The following TCF12 variants were observed in gnomAD, a reference collection of about 807,000 sequenced individuals.
The protein encoded by TCF12 is DNA-binding protein HTF4.
A neutral mutation model predicts 86.0 loss-of-function variants in TCF12; 45 were observed. The ratio of observed to expected loss-of-function variants is 0.52; its 90% CI spans 0.41 to 0.67. The LOEUF (loss-of-function observed/expected upper bound fraction) is 0.67, where lower values mean the gene tolerates loss of function less well. Ranked by LOEUF, TCF12 falls within the 30% of genes least tolerant of loss-of-function variation. The pLI is 0.00. For synonymous variants in TCF12, 330 were observed against 299.6 expected (o/e 1.10, Z -1.05); for missense variants, 881 against 859.9 (o/e 1.02, Z -0.31).
rs186962893 is a variant in TCF12 at position 57,133,431 on chromosome 15, C to A, written c.326-32971C>A. Among the ~76,000 whole-genome samples the A allele has an allele frequency of 1.0e-3, 153 of 152,286 alleles. 1 individual carries two copies. The highest frequency in any genetic ancestry group is 2.2e-3 in the Admixed American group (33 of 15,290). On this transcript the variant is annotated intron_variant, in intron 5 of 20. Transcript: ENST00000333725. Reference sequence around the variant, plus strand: ...GATGTGTGATTATGAAGTCATCAGGCATGGACCAGTAAGACTCCAGAGAGC... The same window carrying A: ...GATGTGTGATTATGAAGTCATCAGGAATGGACCAGTAAGACTCCAGAGAGC...
chr15:57,138,208 G>A (rs1290456746), intron 5 of TCF12, among the ~76,000 whole-genome samples: 2 of 152,114 alleles, frequency 1.3e-5, no homozygotes, highest in Admixed American at 1.3e-4. Flanking sequence ...AATATTTCAT[G>A]AAATTATACT....
rs2062939792 is a variant in TCF12 at position 56,982,441 on chromosome 15, G to C, written c.148+61343G>C. The stretch of plus-strand genomic sequence containing the variant: ...TGATTACATGTAATACAGATTTGCA[G>C]AAAAATCCATAATTATAGAATTGGT... On this transcript the variant is annotated intron_variant, in intron 3 of 20. Coordinates refer to ENST00000333725, the MANE Select transcript of TCF12 (RefSeq NM_207037.2). Among the ~76,000 whole-genome samples, 3 of 152,108 alleles carry C rather than the reference G, an allele frequency of 2.0e-5. No individual in the cohort carries two copies. The South Asian group carries it at 6.2e-4, about 32-fold the overall frequency.
At position 57,004,325 on chromosome 15, in the gene TCF12, T is replaced by A. The variant is rs533522537; in HGVS notation, c.149-59425T>A. ...CTTGGCTCACTGCAACCTCCACAGTTCAAGCGAGTTCAAGTGATTCTCCTG... is the reference window on the plus strand; with the variant it reads ...CTTGGCTCACTGCAACCTCCACAGTACAAGCGAGTTCAAGTGATTCTCCTG... On this transcript the variant is annotated intron_variant, in intron 3 of 20. Coordinates refer to ENST00000333725, the MANE Select transcript of TCF12 (RefSeq NM_207037.2). 2.6e-5 allele frequency among the ~76,000 whole-genome samples: 4 copies of A among 152,030 alleles called. No homozygotes were observed. In the South Asian group the frequency reaches 6.2e-4, roughly 24 times the overall value.
Position 56,970,254 on chromosome 15 carries a change from GGTGGATCACGA to G in TCF12, c.148+49159_148+49169del, listed in dbSNP as rs1476888954. On this transcript the variant is annotated intron_variant, in intron 3 of 20. Transcript: ENST00000333725. ...CCCAGCACTTTGGGAAGCTGAGGTG[GGTGGATCACGA>G]GTTCAGGAGTTCGAGGTCAGCCTGG... 4.6e-5 allele frequency among the ~76,000 whole-genome samples: 7 copies of G among 151,978 alleles called. 1 individual carries two copies. Among genetic ancestry groups the G allele is most frequent in the Non-Finnish European group, 1.0e-4 (7 of 67,996 alleles).
intron 18 of TCF12, 91 bp downstream of exon 18, chr15:57,263,365 A>G: frequency 7.6e-7 from 1 of 1,321,172 alleles, no homozygotes; most frequent in Non-Finnish European, 1.0e-6. Flanking sequence ...ATTAACTGTC[A>G]GCTATGTTCT....
chr15:57,073,014 C>T (rs1260778021), intron 4 of TCF12, among the ~76,000 whole-genome samples: 1 of 152,160 alleles, frequency 6.6e-6, no homozygotes, highest in Non-Finnish European at 1.5e-5. Flanking sequence ...AAAGCACATA[C>T]TGATCAGATT....
chr15:57,066,092 C>A (rs563527136), intron 4 of TCF12, among the ~76,000 whole-genome samples: 3 of 152,106 alleles, frequency 2.0e-5, no homozygotes, highest in Non-Finnish European at 4.4e-5. Flanking sequence ...AAATCTGGAT[C>A]CAGTTTCTCC....
At chr15:57,272,707 A>T (rs559695813) in intron 18 of TCF12, among the ~76,000 whole-genome samples, 2 of 152,226 alleles carry the variant, frequency 1.3e-5, no homozygotes, top group Admixed American at 1.3e-4. Context: ...TGTGGATCAC[A>T]TTTTGTGTAG....
Position 56,919,952 on chromosome 15 carries a change from C to G in TCF12, c.39C>G (p.Thr13=). The G allele has an allele frequency of 6.2e-7, 1 of 1,614,030 alleles. No homozygotes were observed. The highest frequency in any genetic ancestry group is 8.5e-7 in the Non-Finnish European group (1 of 1,179,988). ...AACAACGCATGGCCGCTATAGGGAC[C>G]GACAAGGAGCTGAGCGACCTACTGG... The part of the protein sequence containing the change: ...PQQQRMAAIG[T]DKELSDLLDF... The change falls in exon 2 of 21, where the codon ACC becomes ACG. Residue 13 remains threonine (T), a synonymous_variant. Transcript: ENST00000333725.
intron 3 of TCF12, among the ~76,000 whole-genome samples, chr15:57,013,459 C>T (rs776229414): frequency 6.6e-5 from 10 of 152,082 alleles, no homozygotes; most frequent in Admixed American, 3.3e-4. Context: ...TATAAGTGTG[C>T]GCCACCATGC....
At chr15:56,918,218 A>G (rs1252242043), upstream of TCF12, 1 of 456,254 alleles carries the variant, frequency 2.2e-6, no homozygotes, top group Non-Finnish European at 4.4e-6. Context: ...CGGGAATGGC[A>G]GCCTTCAGTG....
chr15:57,214,285 A>C (rs1167325258), intron 8 of TCF12: 2 of 152,176 alleles, frequency 1.3e-5, no homozygotes, highest in Non-Finnish European at 1.5e-5. Context: ...GGGTTATCTA[A>C]TGATTGCCTT....
intron 3 of TCF12, among the ~76,000 whole-genome samples, chr15:57,026,966 A>G (rs1423865111): frequency 6.6e-6 from 1 of 151,950 alleles, no homozygotes; most frequent in Admixed American, 6.6e-5. Context: ...GTATTTTTAA[A>G]TTTGTATTAT....
intron 5 of TCF12, among the ~76,000 whole-genome samples, chr15:57,157,533 C>A (rs2054193161): frequency 6.6e-6 from 1 of 151,416 alleles, no homozygotes; most frequent in South Asian, 2.1e-4. Context: ...TTTTGAGCTA[C>A]CTTTAATTAT....
At chr15:56,963,024 G>A (rs1322194099) in intron 3 of TCF12, among the ~76,000 whole-genome samples, 3 of 138,302 alleles carry the variant, frequency 2.2e-5, no homozygotes, top group Non-Finnish European at 4.6e-5. Flanking sequence ...AATGTGTTAA[G>A]GTCTTTTTTT....
intron 3 of TCF12, among the ~76,000 whole-genome samples, chr15:57,063,467 G>A (rs1032343656): frequency 1.3e-5 from 2 of 152,300 alleles, no homozygotes; most frequent in African/African-American, 2.4e-5. Context: ...TGCAGGGCGT[G>A]GTGCTGGATG....
At chr15:56,937,800 A>G (rs1183570754) in intron 3 of TCF12, among the ~76,000 whole-genome samples, 3 of 152,148 alleles carry the variant, frequency 2.0e-5, no homozygotes, top group Non-Finnish European at 2.9e-5. Flanking sequence ...ATCTGCATCT[A>G]TCAAGATGAT....
At chr15:57,276,807 CCT>C (rs2061418669) in intron 19 of TCF12, among the ~76,000 whole-genome samples, 9 of 105,070 alleles carry the variant, frequency 8.6e-5, no homozygotes, top group South Asian at 7.6e-4. Flanking sequence ...TTTTTTTTTT[CCT>C]TTTTTTTTTT....
intron 12 of TCF12, among the ~76,000 whole-genome samples, chr15:57,241,865 C>T (rs1483032816): frequency 6.6e-6 from 1 of 152,008 alleles, no homozygotes; most frequent in Non-Finnish European, 1.5e-5. Context: ...TGGTGGCACG[C>T]GGCTGTAGTG....
Sources: gnomAD v4.1 joint callset for allele counts (sites outside exome capture counted in the v4.1 genomes callset) on GRCh38, gnomAD v4.1.1 for gene constraint, MANE v1.5 for transcripts, NCBI Gene and HGNC (gene_info 2026-07-23, HGNC 2026-07-21) for gene names.